IFT43: variants seen among roughly 807,000 people sequenced by gnomAD.
The protein encoded by IFT43 is intraflagellar transport protein 43 homolog.
Under a neutral mutation model 32.3 loss-of-function variants are expected in IFT43, and 33 were observed. That is an observed-to-expected ratio of 1.02 (90% CI 0.77 to 1.37). The LOEUF (loss-of-function observed/expected upper bound fraction) is 1.37. Among genes scored for constraint, IFT43 ranks in the 40% most tolerant of loss-of-function variants. The probability of loss-of-function intolerance (pLI) is 0.00; values close to 1 mark genes in which losing one functional copy is unlikely to be tolerated. For synonymous variants in IFT43, 93 were observed against 98.2 expected (o/e 0.95, Z 0.31); for missense variants, 274 against 265.9 (o/e 1.03, Z -0.21).
chr14:76,012,031 T>G (rs1204717391), intron 2 of IFT43, among the ~76,000 whole-genome samples: 1 of 152,236 alleles, frequency 6.6e-6, no homozygotes, highest in Non-Finnish European at 1.5e-5. Context: ...AGATTGAATG[T>G]GGGAGCTGCA....
At chr14:75,997,700 G>A (rs1385978912) in intron 2 of IFT43, among the ~76,000 whole-genome samples, 1 of 151,752 alleles carries the variant, frequency 6.6e-6, no homozygotes, top group Non-Finnish European at 1.5e-5. Flanking sequence ...GCAGAGACTT[G>A]TCAGGATCTA....
intron 2 of IFT43, among the ~76,000 whole-genome samples, chr14:76,018,449 A>G (rs949286220): frequency 6.6e-6 from 1 of 152,056 alleles, no homozygotes. Context: ...ATTTCTTGAC[A>G]TTTGTTTTGT....
chr14:76,025,121 C>T (rs771807774), intron 3 of IFT43, among the ~76,000 whole-genome samples: 7 of 152,068 alleles, frequency 4.6e-5, no homozygotes, highest in Non-Finnish European at 8.8e-5. Context: ...GGCCAGTGAT[C>T]GAATTTAACT....
rs779397179 is a variant in IFT43 at position 76,083,608 on chromosome 14, A to G, written c.*31A>G. ...TCACCCATGCTCTAGACATGAAGAA[A>G]TGCAATGAGCTTAAAGCTAAAGAAG... On this transcript the variant is annotated 3_prime_UTR_variant, in exon 9 of 9. Coordinates refer to ENST00000314067, the MANE Select transcript of IFT43 (RefSeq NM_001102564.3). 7 of 1,611,128 alleles carry G rather than the reference A, an allele frequency of 4.3e-6. No individual in the cohort carries two copies. In the Admixed American group the frequency reaches 6.7e-5, roughly 15 times the overall value.
intron 2 of IFT43, among the ~76,000 whole-genome samples, chr14:76,003,305 C>T (rs2035923931): frequency 6.6e-6 from 1 of 151,684 alleles, no homozygotes; most frequent in Non-Finnish European, 1.5e-5. Context: ...AATATGCATC[C>T]TTATCACTGG....
At chr14:76,069,547 T>C (rs1460692570) in intron 5 of IFT43, among the ~76,000 whole-genome samples, 1 of 151,884 alleles carries the variant, frequency 6.6e-6, no homozygotes, top group Admixed American at 6.6e-5. Flanking sequence ...AGATGGGCAT[T>C]GAGAGGCACA....
intron 5 of IFT43, among the ~76,000 whole-genome samples, chr14:76,076,052 A>G (rs1369540642): frequency 6.6e-6 from 1 of 152,060 alleles, no homozygotes; most frequent in Non-Finnish European, 1.5e-5. Flanking sequence ...TTTCATGTGG[A>G]TTGGTTGTTG....
chr14:76,079,382 G>A (rs1004797682), intron 5 of IFT43, among the ~76,000 whole-genome samples: 3 of 152,200 alleles, frequency 2.0e-5, no homozygotes, highest in Non-Finnish European at 4.4e-5. Flanking sequence ...TGATCACAGT[G>A]CTAGTATTTC....
intron 3 of IFT43, among the ~76,000 whole-genome samples, chr14:76,045,644 T>C (rs1365266906): frequency 6.6e-6 from 1 of 152,212 alleles, no homozygotes; most frequent in Non-Finnish European, 1.5e-5. Flanking sequence ...TGGGCCTTTG[T>C]CACCATGCTC....
At chr14:76,008,697 C>T (rs978931553) in intron 2 of IFT43, among the ~76,000 whole-genome samples, 3 of 152,202 alleles carry the variant, frequency 2.0e-5, no homozygotes, top group Non-Finnish European at 2.9e-5. Context: ...TTCAGTCCCT[C>T]CTTCTTCAAA....
intron 2 of IFT43, among the ~76,000 whole-genome samples, chr14:76,017,841 CT>C (rs1261846414): frequency 6.6e-6 from 1 of 151,812 alleles, no homozygotes; most frequent in Non-Finnish European, 1.5e-5. Flanking sequence ...TTAGTATATA[CT>C]TGTTCATAAT....
At chr14:76,042,771 C>T (rs988881602) in intron 3 of IFT43, among the ~76,000 whole-genome samples, 1 of 152,156 alleles carries the variant, frequency 6.6e-6, no homozygotes, top group Non-Finnish European at 1.5e-5. Context: ...CCCAGGCAGC[C>T]CGCTCAGGAG....
intron 6 of IFT43, 52 bp downstream of exon 6, chr14:76,082,419 A>G (rs899397280): frequency 1.6e-6 from 2 of 1,249,628 alleles, no homozygotes; most frequent in Non-Finnish European, 2.4e-6. Context: ...GAATTAATAC[A>G]CTCCAGATAT....
chr14:76,030,540 A>AG (rs1327392045), intron 3 of IFT43, among the ~76,000 whole-genome samples: 1 of 152,212 alleles, frequency 6.6e-6, no homozygotes, highest in Non-Finnish European at 1.5e-5. Context: ...AGGTAGAACT[A>AG]GGAAACACAT....
At chr14:75,993,313 T>C (rs1157973323) in intron 2 of IFT43, among the ~76,000 whole-genome samples, 2 of 152,214 alleles carry the variant, frequency 1.3e-5, no homozygotes, top group Non-Finnish European at 2.9e-5. Flanking sequence ...GATTTGGGGC[T>C]TCTCTTTAAA....
intron 3 of IFT43, among the ~76,000 whole-genome samples, chr14:76,038,334 ATC>A (rs1430556659): frequency 6.6e-6 from 1 of 151,954 alleles, no homozygotes; most frequent in African/African-American, 2.4e-5. Flanking sequence ...CTCTGCTTGG[ATC>A]TCTGTCTCAA....
intron 7 of IFT43, 112 bp downstream of exon 7, chr14:76,082,804 GC>G: frequency 1.2e-6 from 1 of 838,864 alleles, no homozygotes. Flanking sequence ...GTCCCCTGAG[GC>G]TGCCTGCCTG....
rs899039694 is a variant in IFT43 at position 76,072,004 on chromosome 14, C to T, written c.296-10291C>T. ...ATATCGGCTCCCCCATCGCGATTCT[C>T]AGCTTTACTTCTTGGCCATGTCCTC... On this transcript the variant is annotated intron_variant, in intron 5 of 8. Coordinates refer to ENST00000314067, the MANE Select transcript of IFT43 (RefSeq NM_001102564.3). Among the ~76,000 whole-genome samples the T allele has an allele frequency of 2.0e-5, 3 of 152,306 alleles. No individual in the cohort carries two copies. In the East Asian group the frequency reaches 5.8e-4, roughly 29 times the overall value.
chr14:76,083,600 A>C lies in IFT43; in HGVS notation c.*23A>C. On this transcript the variant is annotated 3_prime_UTR_variant, in exon 9 of 9. Transcript: ENST00000314067. ...TGAGCCCGTCACCCATGCTCTAGACATGAAGAAATGCAATGAGCTTAAAGC... is the reference window on the plus strand; with the variant it reads ...TGAGCCCGTCACCCATGCTCTAGACCTGAAGAAATGCAATGAGCTTAAAGC... The C allele has an allele frequency of 1.9e-6, 3 of 1,612,712 alleles. No individual in the cohort carries two copies. Among genetic ancestry groups the C allele is most frequent in the Non-Finnish European group, 2.5e-6 (3 of 1,179,580 alleles).
Sources: allele counts gnomAD v4.1 joint callset (sites outside exome capture counted in the v4.1 genomes callset), GRCh38; gene constraint gnomAD v4.1.1; transcripts MANE v1.5; gene names NCBI Gene and HGNC (gene_info 2026-07-23, HGNC 2026-07-21).